MAP2K5: variants seen among roughly 807,000 people sequenced by gnomAD.
MAP2K5 encodes dual specificity mitogen-activated protein kinase kinase 5.
Under a neutral mutation model 83.1 loss-of-function variants are expected in MAP2K5, and 49 were observed. The ratio of observed to expected loss-of-function variants is 0.59; its 90% confidence interval spans 0.47 to 0.75. MAP2K5 has a LOEUF of 0.75. Among genes scored for constraint, MAP2K5 ranks in the 30% least tolerant of loss-of-function variants. MAP2K5 has a pLI of 0.00. For synonymous variants in MAP2K5, 202 were observed against 191.8 expected (o/e 1.05, Z -0.44); for missense variants, 457 against 557.5 (o/e 0.82, Z 1.82).
In MAP2K5 at chr15:67,780,190, A is replaced by G. The variant is rs1290556545; in HGVS notation, c.1242+7438A>G. 1.3e-5 allele frequency among the ~76,000 whole-genome samples: 2 copies of G among 152,116 alleles called. No individual in the cohort carries two copies. The highest frequency in any genetic ancestry group is 2.9e-5 in the Non-Finnish European group (2 of 68,026). On this transcript the variant is annotated intron_variant, in intron 21 of 21. Coordinates refer to ENST00000178640, the MANE Select transcript of MAP2K5 (RefSeq NM_145160.3). The surrounding 1 kb of genome is among the most constrained non-coding windows in gnomAD (Gnocchi z 5.0). ...TCAACACTAGCAGCTCATCAGAGTT[A>G]CCTCAGAGGTTTAAAAGGCTAAAGA...
chr15:67,710,762 C>G (rs1276616572), intron 16 of MAP2K5, among the ~76,000 whole-genome samples: 1 of 152,094 alleles, frequency 6.6e-6, no homozygotes, highest in Non-Finnish European at 1.5e-5. Flanking sequence ...CCTTGGCCTC[C>G]CAAAGTGCTG....
chr15:67,768,174 T>G lies in MAP2K5; in HGVS notation c.1135-1428T>G, dbSNP rs1165489109. 3.9e-5 allele frequency among the ~76,000 whole-genome samples: 6 copies of G among 152,190 alleles called. No homozygotes were observed. Among genetic ancestry groups the G allele is most frequent in the Non-Finnish European group, 8.8e-5 (6 of 68,032 alleles). ...AATTGTTTGAATTGGAAACAAAGCC[T>G]TAATAAGAGTTCTAGTTAATTTTCT... On this transcript the variant is annotated intron_variant, in intron 19 of 21. Transcript: ENST00000178640. This position sits in a 1 kb window ranked among gnomAD's most constrained non-coding sequence, Gnocchi z 4.0.
chr15:67,661,569 G>A lies in MAP2K5; in HGVS notation c.798+2955G>A, dbSNP rs544393642. On this transcript the variant is annotated intron_variant, in intron 12 of 21. Coordinates refer to ENST00000178640, the MANE Select transcript of MAP2K5 (RefSeq NM_145160.3). ...AATTTACATGTTTCTAAAGGAAAAT[G>A]TAGTGTATTTTGACAAAGAATAAGA... Among the ~76,000 whole-genome samples the A allele has an allele frequency of 4.6e-5, 7 of 152,214 alleles. No homozygotes were observed. In the South Asian group the frequency reaches 8.3e-4, roughly 18 times the overall value.
chr15:67,568,221 A>G (rs1186058752), intron 3 of MAP2K5, among the ~76,000 whole-genome samples: 1 of 152,196 alleles, frequency 6.6e-6, no homozygotes, highest in African/African-American at 2.4e-5. Flanking sequence ...ATTTAGTACA[A>G]GAGTCCTTAT....
chr15:67,760,071 G>A lies in MAP2K5; in HGVS notation c.1135-9531G>A, dbSNP rs1364140030. On this transcript the variant is annotated intron_variant, in intron 19 of 21. Transcript: ENST00000178640. The surrounding 1 kb of genome is among the most constrained non-coding windows in gnomAD (Gnocchi z 4.1). Reference sequence around the variant, plus strand: ...TCTAATACCTTCTTTGAAAAGTCCAGTGTGTTTAAATTAATTCAGTTTGGC... The same window carrying A: ...TCTAATACCTTCTTTGAAAAGTCCAATGTGTTTAAATTAATTCAGTTTGGC... Among the ~76,000 whole-genome samples, 3 of 152,172 alleles carry A rather than the reference G, an allele frequency of 2.0e-5. No individual in the cohort carries two copies. Among genetic ancestry groups the A allele is most frequent in the Non-Finnish European group, 4.4e-5 (3 of 68,032 alleles).
chr15:67,651,962 C>T (rs1161258695), intron 11 of MAP2K5, among the ~76,000 whole-genome samples: 1 of 152,124 alleles, frequency 6.6e-6, no homozygotes, highest in Non-Finnish European at 1.5e-5. Context: ...GGTAGCTGTA[C>T]TAGTTTACAT....
chr15:67,674,328 AT>A (rs1407188809), intron 13 of MAP2K5, among the ~76,000 whole-genome samples: 54 of 152,300 alleles, frequency 3.5e-4, no homozygotes, highest in African/African-American at 1.3e-3. Flanking sequence ...CATTTATGTT[AT>A]ACAAGTGCTA....
intron 9 of MAP2K5, among the ~76,000 whole-genome samples, chr15:67,632,085 G>A (rs946198445): frequency 2.1e-5 from 3 of 143,006 alleles, no homozygotes; most frequent in Non-Finnish European, 4.5e-5. Flanking sequence ...TATATGCCAA[G>A]TATTATGCTA....
chr15:67,629,796 T>G (rs2086423280), intron 8 of MAP2K5, among the ~76,000 whole-genome samples: 1 of 152,216 alleles, frequency 6.6e-6, no homozygotes, highest in Admixed American at 6.5e-5. Flanking sequence ...CTTCCTTATA[T>G]TAATATTTTT....
intron 3 of MAP2K5, among the ~76,000 whole-genome samples, chr15:67,566,771 A>G (rs2084849034): frequency 6.6e-6 from 1 of 152,230 alleles, no homozygotes; most frequent in Non-Finnish European, 1.5e-5. Context: ...AGTAATTTAA[A>G]TAGATTTTTG....
intron 9 of MAP2K5, among the ~76,000 whole-genome samples, chr15:67,645,698 G>A (rs1199572503): frequency 2.0e-5 from 3 of 151,350 alleles, no homozygotes; most frequent in African/African-American, 4.9e-5. Flanking sequence ...GGGACCACCC[G>A]ATCATACTAC....
In MAP2K5 at chr15:67,702,445, A is replaced by G. The variant is rs184857409; in HGVS notation, c.973-892A>G. Among the ~76,000 whole-genome samples, 2 of 152,238 alleles carry G rather than the reference A, an allele frequency of 1.3e-5. No individual in the cohort carries two copies. Among genetic ancestry groups the G allele is most frequent in the African/African-American group, 4.8e-5 (2 of 41,452 alleles). On this transcript the variant is annotated intron_variant, in intron 15 of 21. Coordinates refer to ENST00000178640, the MANE Select transcript of MAP2K5 (RefSeq NM_145160.3). This position sits in a 1 kb window ranked among gnomAD's most constrained non-coding sequence, Gnocchi z 4.6. ...TGAATTGGATATTGGGGTGTAAGTT[A>G]TGATCTCAGCCTTGCCATGATTAGC...
chr15:67,787,081 G>A (rs2090431973), intron 21 of MAP2K5, among the ~76,000 whole-genome samples: 1 of 152,206 alleles, frequency 6.6e-6, no homozygotes, highest in Admixed American at 6.5e-5. Context: ...GGGGCAGTTG[G>A]ACGCACTTGT....
At position 67,631,064 on chromosome 15, in the gene MAP2K5, C is replaced by G. The variant is rs571045275; in HGVS notation, c.585+137C>G. On this transcript the variant is annotated intron_variant, in intron 9 of 21. Transcript: ENST00000178640. The stretch of plus-strand genomic sequence containing the variant: ...ATGGTAGGTAGGGGAAGCTGTGGCT[C>G]TCTGGTGACATTCAGACACCTGAAG... 6.2e-6 allele frequency: 4 copies of G among 645,154 alleles called. No individual in the cohort carries two copies. The East Asian group carries it at 1.1e-4, about 18-fold the overall frequency. 40.0% of individuals were successfully genotyped at this position (645,154 alleles called of 1,614,324 possible).
rs186016868 is a variant in MAP2K5 at position 67,591,057 on chromosome 15, A to G, written c.432-1869A>G. 9.9e-5 allele frequency among the ~76,000 whole-genome samples: 15 copies of G among 151,994 alleles called. 1 individual carries two copies. The East Asian group carries it at 2.0e-3, about 20-fold the overall frequency. On this transcript the variant is annotated intron_variant, in intron 6 of 21. Transcript: ENST00000178640. ...AAGGGCTAAAGTGGATAGGTTAAGA[A>G]TAGAGTTGGCTGGGTGTGGTGGCTC...
chr15:67,568,290 A>G (rs1234684225), intron 3 of MAP2K5, among the ~76,000 whole-genome samples: 2 of 152,214 alleles, frequency 1.3e-5, no homozygotes, highest in African/African-American at 4.8e-5. Context: ...ACCCTGTCAG[A>G]CGTTGAGTAC....
At chr15:67,600,130 T>A (rs924877789) in intron 7 of MAP2K5, among the ~76,000 whole-genome samples, 3 of 152,230 alleles carry the variant, frequency 2.0e-5, no homozygotes, top group Non-Finnish European at 4.4e-5. Flanking sequence ...ATAATATGAT[T>A]TCTGCCTAAT....
intron 6 of MAP2K5, among the ~76,000 whole-genome samples, chr15:67,590,924 G>A (rs933613140): frequency 5.9e-5 from 9 of 152,182 alleles, no homozygotes; most frequent in African/African-American, 1.2e-4. Flanking sequence ...TATAGAATAC[G>A]TAAGATGTGT....
intron 13 of MAP2K5, among the ~76,000 whole-genome samples, chr15:67,667,846 A>G (rs752074399): frequency 6.6e-6 from 1 of 152,286 alleles, no homozygotes; most frequent in Non-Finnish European, 1.5e-5. Flanking sequence ...AATTTATTAA[A>G]CGTAGTTAAT....
Sources: gnomAD v4.1 joint callset for allele counts (sites outside exome capture counted in the v4.1 genomes callset) on GRCh38, gnomAD v4.1.1 for gene constraint, Gnocchi (gnomAD v3.1) non-coding constraint, MANE v1.5 for transcripts, NCBI Gene and HGNC (gene_info 2026-07-23, HGNC 2026-07-21) for gene names.